Variants in ACVR1 observed in about 807,000 individuals in gnomAD.
The protein encoded by ACVR1 is activin receptor type-1.
ACVR1 carries 38 observed loss-of-function variants against 57.1 expected under a neutral mutation model. That is an observed-to-expected ratio of 0.67 (90% CI 0.51 to 0.87). The LOEUF (loss-of-function observed/expected upper bound fraction) is 0.87, where lower values mean the gene tolerates loss of function less well. Among genes scored for constraint, ACVR1 ranks in the 40% least tolerant of loss-of-function variants. The pLI is 0.00. For synonymous variants in ACVR1, 212 were observed against 228.1 expected (o/e 0.93, Z 0.63); for missense variants, 463 against 638.2 (o/e 0.73, Z 2.96).
chr2:157,840,129 C>A (rs929940372), intron 1 of ACVR1, among the ~76,000 whole-genome samples: 5 of 152,160 alleles, frequency 3.3e-5, no homozygotes, highest in Non-Finnish European at 7.3e-5. Context: ...TATGCCATAG[C>A]CATTTTGCTA....
intron 5 of ACVR1, among the ~76,000 whole-genome samples, chr2:157,775,935 G>C (rs1016118976): frequency 6.6e-6 from 1 of 152,048 alleles, no homozygotes; most frequent in African/African-American, 2.4e-5. Flanking sequence ...TATTGCCCAG[G>C]CTGGTCTCTA....
At chr2:157,764,508 A>T (rs1375354575) in intron 8 of ACVR1, among the ~76,000 whole-genome samples, 1 of 151,496 alleles carries the variant, frequency 6.6e-6, no homozygotes, top group Non-Finnish European at 1.5e-5. Flanking sequence ...GCGCCCGGCC[A>T]CGATCACACT....
At chr2:157,864,780 T>C (rs928596748) in intron 1 of ACVR1, among the ~76,000 whole-genome samples, 2 of 152,196 alleles carry the variant, frequency 1.3e-5, no homozygotes, top group African/African-American at 4.8e-5. Flanking sequence ...AATTTTGCTG[T>C]TTCTTAAAAA....
intron 2 of ACVR1, among the ~76,000 whole-genome samples, chr2:157,809,457 T>A (rs1687671849): frequency 6.6e-6 from 1 of 152,038 alleles, no homozygotes; most frequent in South Asian, 2.1e-4. Context: ...AAACGAGCCA[T>A]GTACCAGGGT....
At chr2:157,769,420 G>A (rs754564175) in intron 7 of ACVR1, among the ~76,000 whole-genome samples, 2 of 152,282 alleles carry the variant, frequency 1.3e-5, no homozygotes, top group East Asian at 1.9e-4. Flanking sequence ...ACTAGGACCC[G>A]ATGGGTAAGC....
chr2:157,766,992 G>C (rs1470984220), intron 7 of ACVR1, among the ~76,000 whole-genome samples: 1 of 152,152 alleles, frequency 6.6e-6, no homozygotes, highest in Non-Finnish European at 1.5e-5. Flanking sequence ...GTGAGTGACT[G>C]ACAAATGTGG....
chr2:157,828,152 A>T (rs574067433), intron 1 of ACVR1, among the ~76,000 whole-genome samples: 1 of 152,076 alleles, frequency 6.6e-6, no homozygotes, highest in South Asian at 2.1e-4. Context: ...TCGTCTCTAC[A>T]AAAAAATACA....
intron 1 of ACVR1, among the ~76,000 whole-genome samples, chr2:157,846,882 G>A (rs1034187873): frequency 1.3e-5 from 2 of 152,126 alleles, no homozygotes; most frequent in African/African-American, 4.8e-5. Context: ...GTCTCCAAAG[G>A]AGAAGAGAAA....
At chr2:157,828,803 G>T (rs939412640) in intron 1 of ACVR1, among the ~76,000 whole-genome samples, 10 of 152,096 alleles carry the variant, frequency 6.6e-5, no homozygotes, top group African/African-American at 2.2e-4. Context: ...GTCTCACTCT[G>T]TCGCCCAGGC....
intron 3 of ACVR1, among the ~76,000 whole-genome samples, chr2:157,785,435 A>G (rs969925445): frequency 6.6e-6 from 1 of 152,164 alleles, no homozygotes; most frequent in African/African-American, 2.4e-5. Flanking sequence ...AGCATTTGAG[A>G]TCTCTGGCAT....
chr2:157,871,404 G>C (rs1382668601), intron 1 of ACVR1, among the ~76,000 whole-genome samples: 4 of 152,216 alleles, frequency 2.6e-5, no homozygotes, highest in Non-Finnish European at 5.9e-5. Flanking sequence ...AGATGAATGA[G>C]AACTGACCTT....
At chr2:157,775,344 G>A (rs552077459) in intron 5 of ACVR1, among the ~76,000 whole-genome samples, 2 of 152,324 alleles carry the variant, frequency 1.3e-5, no homozygotes, top group Admixed American at 6.5e-5. Flanking sequence ...CTCAGCATAA[G>A]CCAAGAAGCA....
intron 1 of ACVR1, among the ~76,000 whole-genome samples, chr2:157,851,892 CA>C (rs1559093985): frequency 0.12 from 651 of 5,406 alleles, 31 homozygotes; most frequent in South Asian, 0.45. Flanking sequence ...CACACACACA[CA>C]CACACACACA....
At chr2:157,860,082 T>G (rs1689671573) in intron 1 of ACVR1, 1 of 152,136 alleles carries the variant, frequency 6.6e-6, no homozygotes, top group South Asian at 2.1e-4. Flanking sequence ...GGCTCAGGTC[T>G]AGAAACTCCC....
intron 1 of ACVR1, among the ~76,000 whole-genome samples, chr2:157,839,664 TG>T (rs1329871806): frequency 6.6e-6 from 1 of 152,244 alleles, no homozygotes; most frequent in Non-Finnish European, 1.5e-5. Flanking sequence ...GCATCCATTA[TG>T]ACCTACTGTA....
chr2:157,800,895 C>T lies in ACVR1; in HGVS notation c.-7-1395G>A, dbSNP rs573630846. ...TTGAACTGCCCTGAGCCCCCTCCTC[C>T]ACCCCTCTCCAACCCCATTGCCTCC... On this transcript the variant is annotated intron_variant, in intron 2 of 10. Coordinates refer to ENST00000434821, the MANE Select transcript of ACVR1 (RefSeq NM_001111067.4). 5.3e-5 allele frequency among the ~76,000 whole-genome samples: 8 copies of T among 152,172 alleles called. No individual in the cohort carries two copies. In the South Asian group the frequency reaches 1.0e-3, roughly 20 times the overall value.
intron 2 of ACVR1, among the ~76,000 whole-genome samples, chr2:157,815,450 T>C (rs1687899530): frequency 6.6e-6 from 1 of 152,142 alleles, no homozygotes; most frequent in South Asian, 2.1e-4. Flanking sequence ...AATACAAATA[T>C]TCATTGCCAA....
Position 157,828,603 on chromosome 2 carries a change from T to C in ACVR1, c.-182-10044A>G, listed in dbSNP as rs138058768. 5.1e-3 allele frequency among the ~76,000 whole-genome samples: 777 copies of C among 152,142 alleles called. 4 individuals are homozygous for C. The highest frequency in any genetic ancestry group is 0.017 in the African/African-American group (709 of 41,510). On this transcript the variant is annotated intron_variant, in intron 1 of 10. Transcript: ENST00000434821. ...CGCTCCAGCCTGGGCAACAGAGGGA[T>C]AGCAAAACTCTGTTTCCAAAAAAAG...
intron 3 of ACVR1, among the ~76,000 whole-genome samples, chr2:157,792,673 G>A (rs1467722517): frequency 6.6e-6 from 1 of 152,164 alleles, no homozygotes; most frequent in Non-Finnish European, 1.5e-5. Flanking sequence ...AGTAGTTTAA[G>A]ACAAGGTTTC....
Sources: gnomAD v4.1 joint callset for allele counts (sites outside exome capture counted in the v4.1 genomes callset) on GRCh38, gnomAD v4.1.1 for gene constraint, MANE v1.5 for transcripts, NCBI Gene and HGNC (gene_info 2026-07-23, HGNC 2026-07-21) for gene names.